The following ITPR3 variants were observed in gnomAD, a reference collection of about 807,000 sequenced individuals.
ITPR3 encodes the protein inositol 1,4,5-trisphosphate-gated calcium channel ITPR3.
Under a neutral mutation model 293.2 loss-of-function variants are expected in ITPR3, and 173 were observed. The ratio of observed to expected loss-of-function variants is 0.59; its 90% CI spans 0.52 to 0.67. ITPR3 has a LOEUF of 0.67. ITPR3 is among the 30% of genes least tolerant of loss of function. ITPR3 has a pLI of 0.00. For synonymous variants in ITPR3, 1,295 were observed against 1,444.4 expected (o/e 0.90, Z 2.35); for missense variants, 2,796 against 3,592.1 (o/e 0.78, Z 5.66).
At chr6:33,678,028 G>T (rs1440079203) in intron 28 of ITPR3, among the ~76,000 whole-genome samples, 1 of 152,136 alleles carries the variant, frequency 6.6e-6, no homozygotes, top group African/African-American at 2.4e-5. Flanking sequence ...TGCTGGCCTT[G>T]TCCTGACCCC....
Position 33,688,443 on chromosome 6 carries a change from C to CCCGG in ITPR3, c.6568+12_6568+13insCCGG. 1 of 130,242 alleles carries CCCGG rather than the reference C, an allele frequency of 7.7e-6. No homozygotes were observed. The allele number at this position is 130,242 out of a possible 1,614,324, so 8.1% of individuals were successfully genotyped here. On this transcript the variant is annotated intron_variant, in intron 48 of 57. Transcript: ENST00000605930. ...GCGCAAGCTCCGCAGTGAGGACCCA[C>CCCGG]GGGCGGGAGGGTGGGGCGGTCTGGA...
intron 1 of ITPR3, among the ~76,000 whole-genome samples, chr6:33,622,173 TC>T (rs576656109): frequency 7.0e-4 from 106 of 152,194 alleles, no homozygotes; most frequent in Non-Finnish European, 7.1e-4. Context: ...CACAGCTCTC[TC>T]CCTGTTCTTC....
Position 33,684,999 on chromosome 6 carries a change from G to A in ITPR3, c.5307+56G>A. 6.4e-7 allele frequency: 1 copy of A among 1,556,798 alleles called. No individual in the cohort carries two copies. Among genetic ancestry groups the A allele is most frequent in the Non-Finnish European group, 8.7e-7 (1 of 1,147,104 alleles). On this transcript the variant is annotated intron_variant, in intron 39 of 57. Transcript: ENST00000605930. The surrounding 1 kb of genome is among the most constrained non-coding windows in gnomAD (Gnocchi z 4.2). ...TCCTTTGCCTCCCTCCCTTTTTGGA[G>A]GAGGTGGGCCTTGAGTTGGGCACTG...
Position 33,670,919 on chromosome 6 carries a change from A to C in ITPR3, c.2586+104A>C. On this transcript the variant is annotated intron_variant, in intron 20 of 57. Coordinates refer to ENST00000605930, the MANE Select transcript of ITPR3 (RefSeq NM_002224.4). This position sits in a 1 kb window ranked among gnomAD's most constrained non-coding sequence, Gnocchi z 6.7. The stretch of plus-strand genomic sequence containing the variant: ...AGTCGGCTGTGGGATCCATGACCCC[A>C]CTTCCTTCTGTGTCCCCAGCCAGTG... 6.9e-7 allele frequency: 1 copy of C among 1,445,558 alleles called. No homozygotes were observed. The allele number at this position is 1,445,558 out of a possible 1,614,324, so 89.5% of individuals were successfully genotyped here. A position where few individuals can be genotyped will look rare whatever the true frequency, so the allele number is the denominator to read the frequency against.
chr6:33,674,056 C>T, intron 23 of ITPR3, 152 bp from the exon 24 acceptor site: 1 of 935,424 alleles, frequency 1.1e-6, no homozygotes, highest in Non-Finnish European at 1.7e-6. Context: ...GGCTGTGGCT[C>T]CTCCCCTACT....
In ITPR3 at chr6:33,664,939, CA is replaced by C; in HGVS notation, c.1219del (p.Ile407SerfsTer102). 6.2e-7 allele frequency: 1 copy of C among 1,613,754 alleles called. No individual in the cohort carries two copies. Among genetic ancestry groups the C allele is most frequent in the Non-Finnish European group, 8.5e-7 (1 of 1,179,942 alleles). On this transcript the variant is annotated frameshift_variant, in exon 12 of 58. Transcript: ENST00000605930. LOFTEE classifies it high-confidence loss of function. This position sits in a 1 kb window ranked among gnomAD's most constrained non-coding sequence, Gnocchi z 4.4. Reference sequence around the variant, plus strand: ...TTCAGAGCACCAATGTGCCCATTGACATCGAGGAGGAGCGGCCCATCCGGCT... The same window carrying C: ...TTCAGAGCACCAATGTGCCCATTGACTCGAGGAGGAGCGGCCCATCCGGCT... ...WIQSTNVPID[I>X]EEERPIRLML...
At chr6:33,676,531 G>GCA (rs1346726542) in intron 25 of ITPR3, among the ~76,000 whole-genome samples, 1 of 152,266 alleles carries the variant, frequency 6.6e-6, no homozygotes, top group Non-Finnish European at 1.5e-5. Flanking sequence ...ACTGAAGCCA[G>GCA]GTTATGTGGC....
Position 33,684,553 on chromosome 6 carries a change from G to C in ITPR3, c.5047-45G>C. ...CAAGCCCGTCAGGCCAGTGGTCAGTGGTGGGCTGTACCCACAATGGGGCCT... is the reference window on the plus strand; with the variant it reads ...CAAGCCCGTCAGGCCAGTGGTCAGTCGTGGGCTGTACCCACAATGGGGCCT... On this transcript the variant is annotated intron_variant, in intron 37 of 57. Coordinates refer to ENST00000605930, the MANE Select transcript of ITPR3 (RefSeq NM_002224.4). The surrounding 1 kb of genome is among the most constrained non-coding windows in gnomAD (Gnocchi z 4.2). 1 of 1,604,734 alleles carries C rather than the reference G, an allele frequency of 6.2e-7. No homozygotes were observed. Among genetic ancestry groups the C allele is most frequent in the Non-Finnish European group, 8.5e-7 (1 of 1,171,592 alleles).
Position 33,686,609 on chromosome 6 carries a change from G to T in ITPR3, c.5979+90G>T, listed in dbSNP as rs79217630. The T allele has an allele frequency of 2.2e-4, 212 of 962,932 alleles. 1 individual carries two copies. The African/African-American group carries it at 3.0e-3, about 13-fold the overall frequency. 59.6% of individuals were successfully genotyped at this position (962,932 alleles called of 1,614,324 possible). ...ACTTGTGTGTCAAGTGTACATAGTG[G>T]TGTGTAATGTGGGTGTTAGCATTGT... On this transcript the variant is annotated intron_variant, in intron 43 of 57. Transcript: ENST00000605930.
chr6:33,665,839 G>C lies in ITPR3; in HGVS notation c.1414G>C (p.Val472Leu). The change falls in exon 14 of 58, where the codon GTC becomes CTC. Residue 472 changes from valine to leucine, a missense_variant. Val to Leu is a conservative substitution (Grantham distance 32). Coordinates refer to ENST00000605930, the MANE Select transcript of ITPR3 (RefSeq NM_002224.4). ...TCCCCGGGTCCCCTCACCCAGGTTT[G>C]TCATCCAGCTGCTGGAAGACCTGGT... ...GFISQNDRRF[V>L]IQLLEDLVFF... is the part of the protein sequence containing the mutation. The C allele has an allele frequency of 6.2e-7, 1 of 1,614,074 alleles. No individual in the cohort carries two copies. The highest frequency in any genetic ancestry group is 8.5e-7 in the Non-Finnish European group (1 of 1,179,918).
At chr6:33,681,613 C>CA (rs774751543) in intron 33 of ITPR3, among the ~76,000 whole-genome samples, 80 of 152,058 alleles carry the variant, frequency 5.3e-4, no homozygotes, top group Non-Finnish European at 9.6e-4. Context: ...TGACCGAAAT[C>CA]AAAGAAACAC....
rs372556326 is a variant in ITPR3 at position 33,684,946 on chromosome 6, G to A, written c.5307+3G>A. 28 of 1,606,286 alleles carry A rather than the reference G, an allele frequency of 1.7e-5. 1 individual carries two copies. Among genetic ancestry groups the A allele is most frequent in the Middle Eastern group, 1.7e-4 (1 of 6,048 alleles). On this transcript the variant is annotated splice_donor_region_variant and intron_variant, in intron 39 of 57. Coordinates refer to ENST00000605930, the MANE Select transcript of ITPR3 (RefSeq NM_002224.4). This position sits in a 1 kb window ranked among gnomAD's most constrained non-coding sequence, Gnocchi z 4.2. ...ATGGTGGCAACACAGAGATCCAGGT[G>A]TGGGGGGCCTGGGGCCTGGACATGC...
At chr6:33,662,702 C>T (rs757792437) in intron 8 of ITPR3, 28 bp downstream of exon 8, 14 of 1,601,298 alleles carry the variant, frequency 8.7e-6, no homozygotes, top group South Asian at 2.2e-5. Context: ...TCTGGCACCC[C>T]GGACTCAGCC....
intron 10 of ITPR3, 70 bp downstream of exon 10, chr6:33,663,620 C>G: frequency 2.5e-6 from 4 of 1,601,458 alleles, no homozygotes; most frequent in Non-Finnish European, 3.4e-6. Flanking sequence ...CAGGGGAGGC[C>G]GTGAAAACCT....
chr6:33,663,898 G>A lies in ITPR3; in HGVS notation c.1148+18G>A, dbSNP rs1764542667. 6.2e-7 allele frequency: 1 copy of A among 1,613,434 alleles called. No homozygotes were observed. Among genetic ancestry groups the A allele is most frequent in the African/African-American group, 1.3e-5 (1 of 74,928 alleles). ...GTGCCCCGGTGGGTATGCGCCATGT[G>A]CCTGGGAGTTGACTGGTGGTGCTCA... On this transcript the variant is annotated intron_variant, in intron 11 of 57. Transcript: ENST00000605930.
rs1036267245 is a variant in ITPR3, at chr6:33,667,390, C to T, written c.1713+100C>T. On this transcript the variant is annotated intron_variant, in intron 15 of 57. Coordinates refer to ENST00000605930, the MANE Select transcript of ITPR3 (RefSeq NM_002224.4). The surrounding 1 kb of genome is among the most constrained non-coding windows in gnomAD (Gnocchi z 4.4). ...TGCTGTGCCAGGCACTGTTTTGGGG[C>T]CTAGGGTCCAGTAGGGCACCAGACA... 6 of 1,448,928 alleles carry T rather than the reference C, an allele frequency of 4.1e-6. No homozygotes were observed. In the African/African-American group the frequency reaches 8.5e-5, roughly 20 times the overall value. The allele number at this position is 1,448,928 out of a possible 1,614,324, so 89.8% of individuals were successfully genotyped here. A position where few individuals can be genotyped will look rare whatever the true frequency, so the allele number is the denominator to read the frequency against.
Position 33,662,422 on chromosome 6 carries a change from C to T in ITPR3, c.712-106C>T, listed in dbSNP as rs111635868. On this transcript the variant is annotated intron_variant, in intron 7 of 57. Transcript: ENST00000605930. ...TGTGTGCTGGCTCTGGAAGAGGGGC[C>T]CTGCCAGCAGCCAACCCTGTCTGAG... The T allele has an allele frequency of 3.1e-5, 42 of 1,339,918 alleles. No individual in the cohort carries two copies. In the African/African-American group the frequency reaches 5.1e-4, roughly 16 times the overall value. The allele number at this position is 1,339,918 out of a possible 1,614,324, so 83.0% of individuals were successfully genotyped here.
In ITPR3 at chr6:33,688,138, T is replaced by C; in HGVS notation, c.6346T>C (p.Tyr2116His). 6.2e-7 allele frequency: 1 copy of C among 1,614,072 alleles called. No individual in the cohort carries two copies. The highest frequency in any genetic ancestry group is 1.1e-5 in the South Asian group (1 of 91,080). ...GGAGGAGGAGGAAGACCCCCTGGCC[T>C]ACTATGAGAACCACACGTCCCAGAT... ...AQEEEEDPLA[Y>H]YENHTSQIEI... is the part of the protein sequence containing the mutation. The change falls in exon 47 of 58, where the codon TAC (tyrosine) becomes CAC (histidine). Residue 2116 changes from tyrosine to histidine, a missense_variant. Physicochemically the swap from Tyr to His is moderately conservative, Grantham distance 83. This residue lies in a region of ITPR3 where 568 missense variants were observed against 796.1 expected (regional missense o/e 0.71). Transcript: ENST00000605930.
Position 33,666,214 on chromosome 6 carries a change from C to T in ITPR3, c.1551+238C>T, listed in dbSNP as rs1235429938. On this transcript the variant is annotated intron_variant, in intron 14 of 57. Coordinates refer to ENST00000605930, the MANE Select transcript of ITPR3 (RefSeq NM_002224.4). The surrounding 1 kb of genome is among the most constrained non-coding windows in gnomAD (Gnocchi z 5.1). ...AGGAAGCTGAAACACAGGCCAGAGT[C>T]GCTGTCCCAGGGCTCACAGCTAGGA... Among the ~76,000 whole-genome samples, 1 of 151,930 alleles carries T rather than the reference C, an allele frequency of 6.6e-6. No individual in the cohort carries two copies. The highest frequency in any genetic ancestry group is 2.4e-5 in the African/African-American group (1 of 41,194).
Sources: allele counts gnomAD v4.1 joint callset (sites outside exome capture counted in the v4.1 genomes callset), GRCh38; gene constraint gnomAD v4.1.1; regional missense constraint gnomAD v4.1.1; non-coding constraint Gnocchi (gnomAD v3.1); transcripts MANE v1.5; gene names NCBI Gene and HGNC (gene_info 2026-07-23, HGNC 2026-07-21).